TRAPPC13: variants seen among roughly 807,000 people sequenced by gnomAD.
TRAPPC13 encodes trafficking protein particle complex subunit 13.
In TRAPPC13, 39 loss-of-function variants were observed where a neutral mutation model predicts 54.0. That is an observed-to-expected ratio of 0.72 (90% CI 0.56 to 0.94). The LOEUF (loss-of-function observed/expected upper bound fraction) is 0.94. Ranked by LOEUF, TRAPPC13 falls within the 40% of genes least tolerant of loss-of-function variation. The probability of loss-of-function intolerance (pLI) is 0.00; values close to 1 mark genes in which losing one functional copy is unlikely to be tolerated. For missense variants in TRAPPC13, 386 were observed against 488.1 expected (o/e 0.79, Z 1.97); for synonymous variants, 148 against 167.7 (o/e 0.88, Z 0.91).
Position 65,658,440 on chromosome 5 carries a change from C to G in TRAPPC13, c.637C>G (p.Leu213Val). ...TSPMFMEKVS[L>V]EPSIMYNVTE... ...ACCTATGTTTATGGAGAAGGTTTCA[C>G]TGGAGCCATCTATTATGTACAATGT... Residue 213 changes from leucine (L) to valine (V), a missense_variant, in exon 9 of 13, where the codon CTG (leucine) becomes GTG (valine). By Grantham distance (32) the Leu-to-Val change is conservative. Coordinates refer to ENST00000399438, the MANE Select transcript of TRAPPC13 (RefSeq NM_024941.4). 1 of 1,592,084 alleles carries G rather than the reference C, an allele frequency of 6.3e-7. No individual in the cohort carries two copies. Among genetic ancestry groups the G allele is most frequent in the Non-Finnish European group, 8.6e-7 (1 of 1,167,566 alleles).
chr5:65,664,731 A>G lies in TRAPPC13; in HGVS notation c.*120A>G. 1.4e-6 allele frequency: 1 copy of G among 693,422 alleles called. No homozygotes were observed. Among genetic ancestry groups the G allele is most frequent in the South Asian group, 1.8e-5 (1 of 55,878 alleles). 43.0% of individuals were successfully genotyped at this position (693,422 alleles called of 1,614,324 possible). On this transcript the variant is annotated 3_prime_UTR_variant, in exon 13 of 13. Coordinates refer to ENST00000399438, the MANE Select transcript of TRAPPC13 (RefSeq NM_024941.4). ...TGTTACTTAAATTTTCTTTCCTGTA[A>G]AATGGTTAAAATATTAAATATTTGT...
Position 65,664,711 on chromosome 5 carries a change from CTTAAA to C in TRAPPC13, c.*103_*107del. 1.3e-6 allele frequency: 1 copy of C among 791,184 alleles called. No homozygotes were observed. The highest frequency in any genetic ancestry group is 2.1e-6 in the Non-Finnish European group (1 of 486,194). 49.0% of individuals were successfully genotyped at this position (791,184 alleles called of 1,614,324 possible). On this transcript the variant is annotated 3_prime_UTR_variant, in exon 13 of 13. Coordinates refer to ENST00000399438, the MANE Select transcript of TRAPPC13 (RefSeq NM_024941.4). ...CGTCAACAACGAAGTAAATATGTTA[CTTAAA>C]TTTTCTTTCCTGTAAAATGGTTAAA... is the stretch of plus-strand genomic sequence containing the variant.
In TRAPPC13 at chr5:65,635,409, G is replaced by A. The variant is rs1027778675; in HGVS notation, c.115+40G>A. Reference sequence around the variant, plus strand: ...TTCCTCTATTTGCACCTAGGGAAAGGTTGAAACCTGAATTGCCTGCATTAC... The same window carrying A: ...TTCCTCTATTTGCACCTAGGGAAAGATTGAAACCTGAATTGCCTGCATTAC... On this transcript the variant is annotated intron_variant, in intron 2 of 12. Transcript: ENST00000399438. 6 of 1,537,582 alleles carry A rather than the reference G, an allele frequency of 3.9e-6. No homozygotes were observed. The Admixed American group carries it at 1.0e-4, about 26-fold the overall frequency.
At chr5:65,639,221 A>T (rs1435357781) in intron 4 of TRAPPC13, among the ~76,000 whole-genome samples, 1 of 152,200 alleles carries the variant, frequency 6.6e-6, no homozygotes, top group African/African-American at 2.4e-5. Flanking sequence ...GAATTACGGG[A>T]GCTACAAGAT....
chr5:65,647,556 G>A (rs1756258760), intron 5 of TRAPPC13, among the ~76,000 whole-genome samples: 1 of 151,872 alleles, frequency 6.6e-6, no homozygotes, highest in Non-Finnish European at 1.5e-5. Flanking sequence ...TATTTAACCA[G>A]GTATATGCAC....
chr5:65,633,902 T>TG (rs772837706), intron 1 of TRAPPC13, among the ~76,000 whole-genome samples: 2 of 149,198 alleles, frequency 1.3e-5, no homozygotes, highest in Non-Finnish European at 3.0e-5. Context: ...TTTTGCTAAT[T>TG]GATTTTTTTA....
chr5:65,662,018 A>G lies in TRAPPC13; in HGVS notation c.898-32A>G, dbSNP rs1362223864. The G allele has an allele frequency of 2.7e-6, 4 of 1,508,684 alleles. No individual in the cohort carries two copies. The African/African-American group carries it at 4.3e-5, about 16-fold the overall frequency. 93.5% of individuals were successfully genotyped at this position (1,508,684 alleles called of 1,614,324 possible). Reference sequence around the variant, plus strand: ...TTAAAATGGAAAGGTTTTGTGATAGATATACATTAACTGTGTTGCTTGTTT... The same window carrying G: ...TTAAAATGGAAAGGTTTTGTGATAGGTATACATTAACTGTGTTGCTTGTTT... On this transcript the variant is annotated intron_variant, in intron 10 of 12. Transcript: ENST00000399438.
chr5:65,657,852 T>G (rs1756707691), intron 8 of TRAPPC13: 1 of 152,250 alleles, frequency 6.6e-6, no homozygotes, highest in Admixed American at 6.5e-5. Flanking sequence ...GCAAATTGCT[T>G]TAATTTAAAA....
rs1430420910 is a variant in TRAPPC13 at position 65,664,505 on chromosome 5, GC to G, written c.1149del (p.Ser383ArgfsTer5). 4 of 1,503,702 alleles carry G rather than the reference GC, an allele frequency of 2.7e-6. No homozygotes were observed. The highest frequency in any genetic ancestry group is 3.7e-6 in the Non-Finnish European group (4 of 1,093,950). 93.1% of individuals were successfully genotyped at this position (1,503,702 alleles called of 1,614,324 possible). ...ACTCATCTCTCTCTCTCTCAATAGA[GC>G]ATCTCTGGCTTAAGACTAACAGACA... ...TLLSSVQGLQ[S>X]ISGLRLTDTF... is the part of the protein sequence containing the mutation. On this transcript the variant is annotated frameshift_variant and splice_region_variant, in exon 13 of 13. Coordinates refer to ENST00000399438, the MANE Select transcript of TRAPPC13 (RefSeq NM_024941.4). LOFTEE classifies it high-confidence loss of function.
intron 1 of TRAPPC13, among the ~76,000 whole-genome samples, chr5:65,629,085 A>G (rs1172601722): frequency 6.6e-6 from 1 of 152,172 alleles, no homozygotes; most frequent in Non-Finnish European, 1.5e-5. Context: ...ATTTTTAAAT[A>G]TTACATTTTT....
chr5:65,657,908 T>A (rs1331189035), intron 8 of TRAPPC13: 1 of 152,700 alleles, frequency 6.5e-6, no homozygotes, highest in African/African-American at 2.4e-5. Flanking sequence ...ATAGTATTAG[T>A]GGTCACTACA....
chr5:65,628,436 A>T (rs982422684), intron 1 of TRAPPC13, among the ~76,000 whole-genome samples: 1 of 151,612 alleles, frequency 6.6e-6, no homozygotes, highest in African/African-American at 2.4e-5. Flanking sequence ...TTCTATCTAT[A>T]TATTTGTTTG....
intron 5 of TRAPPC13, among the ~76,000 whole-genome samples, chr5:65,648,582 A>G (rs1204039493): frequency 1.3e-5 from 2 of 152,306 alleles, no homozygotes; most frequent in Non-Finnish European, 1.5e-5. Flanking sequence ...ATCCAAACCT[A>G]GTTTTAGATC....
Position 65,635,991 on chromosome 5 carries a change from G to T in TRAPPC13, c.163G>T (p.Gly55Cys), listed in dbSNP as rs373703606. The T allele has an allele frequency of 5.0e-6, 8 of 1,602,658 alleles. No homozygotes were observed. The highest frequency in any genetic ancestry group is 6.8e-6 in the Non-Finnish European group (8 of 1,174,020). Residue 55 changes from glycine (G) to cysteine (C), a missense_variant, in exon 3 of 13, where the codon GGT becomes TGT. Physicochemically the swap from Gly to Cys is radical, Grantham distance 159 (BLOSUM62 -3). Transcript: ENST00000399438. ...GAGAGATGATCCTTCAACCGTTAAT[G>T]GTGCAGAAGTTTTAATGTTGGGAGA... ...LMRDDPSTVN[G>C]AEVLMLGEML...
At chr5:65,647,803 C>A (rs1425308532) in intron 5 of TRAPPC13, among the ~76,000 whole-genome samples, 1 of 152,098 alleles carries the variant, frequency 6.6e-6, no homozygotes, top group Non-Finnish European at 1.5e-5. Context: ...GAATATCTTT[C>A]ATTTATCTCT....
intron 9 of TRAPPC13, 95 bp downstream of exon 9, chr5:65,658,596 C>A: frequency 9.0e-7 from 1 of 1,114,768 alleles, no homozygotes; most frequent in Non-Finnish European, 1.2e-6. Context: ...TTTTAATAGA[C>A]TTTTTTTAAA....
At chr5:65,655,316 G>A (rs1756610271) in intron 7 of TRAPPC13, among the ~76,000 whole-genome samples, 1 of 152,166 alleles carries the variant, frequency 6.6e-6, no homozygotes, top group Admixed American at 6.6e-5. Context: ...TGCAATGTTG[G>A]TAAAGAATTA....
chr5:65,629,473 G>A, intron 1 of TRAPPC13: 1 of 1,428,002 alleles, frequency 7.0e-7, no homozygotes, highest in African/African-American at 1.4e-5. Context: ...TTTAGGTCCT[G>A]TTTCCCTCTG....
chr5:65,652,721 T>G lies in TRAPPC13; in HGVS notation c.546+176T>G, dbSNP rs149043201. On this transcript the variant is annotated intron_variant, in intron 7 of 12. Transcript: ENST00000399438. ...AATTTTATTATAGGTCTCATAATCT[T>G]TTTCAGCTTACATGGAATCAATGTG... The G allele has an allele frequency of 6.0e-6, 4 of 668,564 alleles. No individual in the cohort carries two copies. In the African/African-American group the frequency reaches 7.3e-5, roughly 12 times the overall value. 41.4% of individuals were successfully genotyped at this position (668,564 alleles called of 1,614,324 possible).
Sources: gnomAD v4.1 joint callset for allele counts (sites outside exome capture counted in the v4.1 genomes callset) on GRCh38, gnomAD v4.1.1 for gene constraint, MANE v1.5 for transcripts, NCBI Gene and HGNC (gene_info 2026-07-23, HGNC 2026-07-21) for gene names.